Variants in SCN1A observed in about 807,000 individuals in gnomAD.
SCN1A encodes sodium channel protein type 1 subunit alpha.
Under a neutral mutation model 193.7 loss-of-function variants are expected in SCN1A, and 13 were observed. The ratio of observed to expected loss-of-function variants is 0.07; its 90% CI spans 0.04 to 0.11. The LOEUF (loss-of-function observed/expected upper bound fraction) is 0.11, where lower values mean the gene tolerates loss of function less well. SCN1A is among the 10% of genes least tolerant of loss of function. The pLI is 1.00. For missense variants in SCN1A, 1,432 were observed against 2,451.1 expected (o/e 0.58, Z 8.78); for synonymous variants, 781 against 843.6 (o/e 0.93, Z 1.29).
intron 19 of SCN1A, among the ~76,000 whole-genome samples, chr2:166,027,892 A>G (rs1198172162): frequency 1.3e-5 from 2 of 152,106 alleles, no homozygotes; most frequent in South Asian, 2.1e-4. Flanking sequence ...GGAAAATATA[A>G]TATCAATGGA....
chr2:166,050,635 A>ATATATATATATATATATATATATATATG (rs1553548978), intron 9 of SCN1A, among the ~76,000 whole-genome samples: 1 of 83,232 alleles, frequency 1.2e-5, no homozygotes, highest in Non-Finnish European at 2.3e-5. Flanking sequence ...ATATATATAT[A>ATATATATATATATATATATATATATATG]TATGTGTGTA....
At chr2:166,076,532 T>C (rs1685000040) in intron 3 of SCN1A, among the ~76,000 whole-genome samples, 1 of 151,948 alleles carries the variant, frequency 6.6e-6, no homozygotes, top group Non-Finnish European at 1.5e-5. Flanking sequence ...TGGATATTGA[T>C]AAACTGATTT....
chr2:166,104,177 A>C (rs933204065), intron 2 of SCN1A: 1 of 152,252 alleles, frequency 6.6e-6, no homozygotes, highest in Non-Finnish European at 1.5e-5. Context: ...CTTTCTAAGA[A>C]AAATTATGGA....
intron 3 of SCN1A, 113 bp downstream of exon 3, chr2:166,077,597 A>C (rs889631265): frequency 2.0e-5 from 3 of 152,030 alleles, no homozygotes; most frequent in Non-Finnish European, 4.4e-5. Flanking sequence ...GAGCAATAGA[A>C]GCTCACATTC....
Position 166,045,332 on chromosome 2 carries a change from A to G in SCN1A, c.1378-5T>C. 6.2e-7 allele frequency: 1 copy of G among 1,613,998 alleles called. No individual in the cohort carries two copies. The highest frequency in any genetic ancestry group is 8.5e-7 in the Non-Finnish European group (1 of 1,179,986). On this transcript the variant is annotated splice_polypyrimidine_tract_variant and splice_region_variant and intron_variant, in intron 12 of 28. Transcript: ENST00000674923. ...GGCAGTTGCCGTTGCTGCCTGCTAT[A>G]TTGAAGAGAAATGATTTTAACATAG...
chr2:166,116,751 A>G (rs1415749224), intron 2 of SCN1A, among the ~76,000 whole-genome samples: 1 of 152,140 alleles, frequency 6.6e-6, no homozygotes, highest in African/African-American at 2.4e-5. Flanking sequence ...AATGAGTTCA[A>G]TGTATTGCCA....
At chr2:166,038,716 T>C (rs6719462) in intron 17 of SCN1A, among the ~76,000 whole-genome samples, 112,127 of 152,012 alleles carry the variant, frequency 0.74, 41,738 homozygotes, top group East Asian at 0.89. Context: ...TAAGGCCGGA[T>C]ATTATAATAT....
intron 23 of SCN1A, among the ~76,000 whole-genome samples, chr2:166,007,957 A>G (rs2105552740): frequency 6.6e-6 from 1 of 151,384 alleles, no homozygotes; most frequent in Middle Eastern, 3.4e-3. Context: ...ATCAATTATA[A>G]CGTTATTTTG....
intron 4 of SCN1A, among the ~76,000 whole-genome samples, chr2:166,061,640 T>C (rs1683318460): frequency 6.6e-6 from 1 of 152,218 alleles, no homozygotes; most frequent in Non-Finnish European, 1.5e-5. Context: ...CTGATCACTA[T>C]ACATCATATG....
intron 3 of SCN1A, among the ~76,000 whole-genome samples, chr2:166,077,402 G>T (rs1212760376): frequency 6.6e-6 from 1 of 151,788 alleles, no homozygotes; most frequent in African/African-American, 2.4e-5. Flanking sequence ...ATGGGCCAAA[G>T]ACCTGAACAG....
intron 2 of SCN1A, among the ~76,000 whole-genome samples, chr2:166,103,089 C>T (rs1306080038): frequency 2.3e-5 from 3 of 133,328 alleles, no homozygotes; most frequent in Admixed American, 7.4e-5. Flanking sequence ...ATATATATGA[C>T]GGTTTCTGTT....
intron 28 of SCN1A, chr2:165,993,765 T>C (rs1028457904): frequency 7.8e-6 from 2 of 257,676 alleles, no homozygotes; most frequent in African/African-American, 2.2e-5. Flanking sequence ...GGTGACTCCA[T>C]GTCTATTCTC....
chr2:166,047,588 C>G, intron 11 of SCN1A, 39 bp downstream of exon 11: 1 of 1,609,452 alleles, frequency 6.2e-7, no homozygotes, highest in Non-Finnish European at 8.5e-7. Context: ...TTCTTGTATA[C>G]TTTTACTTAA....
chr2:166,146,649 C>T (rs572080536), intron 1 of SCN1A, among the ~76,000 whole-genome samples: 1 of 152,276 alleles, frequency 6.6e-6, no homozygotes, highest in East Asian at 1.9e-4. Flanking sequence ...AGTTGAGAAA[C>T]CCTGATGTAA....
intron 4 of SCN1A, among the ~76,000 whole-genome samples, chr2:166,064,641 C>T (rs898762798): frequency 6.6e-6 from 1 of 151,946 alleles, no homozygotes; most frequent in African/African-American, 2.4e-5. Context: ...TTTAACAAGC[C>T]ATGGTTTTCC....
intron 20 of SCN1A, 111 bp downstream of exon 20, chr2:166,015,495 AT>A: frequency 7.7e-7 from 1 of 1,298,814 alleles, no homozygotes. Context: ...AGGTGATTGA[AT>A]TATATCTATT....
At position 165,990,877 on chromosome 2, in the gene SCN1A, C is replaced by A; in HGVS notation, c.*368G>T. ...TTCCATAAAAATGTGACAAATGTGG[C>A]AGTTGAAATGCAAACAGTGGATACA... is the stretch of plus-strand genomic sequence containing the variant. On this transcript the variant is annotated 3_prime_UTR_variant, in exon 29 of 29. Coordinates refer to ENST00000674923, the MANE Select transcript of SCN1A (RefSeq NM_001165963.4). The A allele has an allele frequency of 4.9e-6, 1 of 202,960 alleles. No individual in the cohort carries two copies. The highest frequency in any genetic ancestry group is 1.0e-5 in the Non-Finnish European group (1 of 98,972). 12.6% of individuals were successfully genotyped at this position (202,960 alleles called of 1,614,324 possible).
At chr2:166,110,708 T>C (rs1292020857) in intron 2 of SCN1A, among the ~76,000 whole-genome samples, 1 of 152,176 alleles carries the variant, frequency 6.6e-6, no homozygotes, top group African/African-American at 2.4e-5. Context: ...AAGATCTAGC[T>C]AAGATCATTG....
chr2:166,012,408 G>T, intron 21 of SCN1A, 126 bp from the exon 22 acceptor site: 2 of 728,172 alleles, frequency 2.7e-6, no homozygotes, highest in Admixed American at 2.9e-5. Context: ...AGTAGTTACT[G>T]TTACTTTTTT....
Sources: gnomAD v4.1 joint callset for allele counts (sites outside exome capture counted in the v4.1 genomes callset) on GRCh38, gnomAD v4.1.1 for gene constraint, MANE v1.5 for transcripts, NCBI Gene and HGNC (gene_info 2026-07-23, HGNC 2026-07-21) for gene names.